The following C12orf42 variants were observed in gnomAD, a reference collection of about 807,000 sequenced individuals.
The protein encoded by C12orf42 is uncharacterized protein C12orf42.
Under a neutral mutation model 21.6 loss-of-function variants are expected in C12orf42, and 25 were observed. The observed-to-expected ratio is 1.16, with a 90% CI of 0.84 to 1.62. C12orf42 has a LOEUF of 1.62. Ranked by LOEUF, C12orf42 falls within the 40% of genes most tolerant of loss-of-function variation. The pLI is 0.00. For missense variants in C12orf42, 483 were observed against 459.3 expected (o/e 1.05, Z -0.47); for synonymous variants, 174 against 175.0 (o/e 0.99, Z 0.05).
At chr12:103,465,093 T>C (rs746843348) in intron 2 of C12orf42, among the ~76,000 whole-genome samples, 4 of 152,236 alleles carry the variant, frequency 2.6e-5, no homozygotes, top group African/African-American at 4.8e-5. Flanking sequence ...AGCTCTTTCT[T>C]GGTTCCATAT....
At chr12:103,202,003 T>G in the C12orf42 span, among the ~76,000 whole-genome samples, 3 of 152,224 alleles carry the variant, frequency 2.0e-5, no homozygotes, top group African/African-American at 7.2e-5. Flanking sequence ...TATTCTAATA[T>G]CAAACGGCAA....
chr12:103,075,907 A>C, the C12orf42 span, among the ~76,000 whole-genome samples: 1 of 152,118 alleles, frequency 6.6e-6, no homozygotes, highest in Non-Finnish European at 1.5e-5. Context: ...CACTTTTTTT[A>C]GGTTGGGTGA....
At chr12:103,550,611 C>T in the C12orf42 span, 20 of 152,132 alleles carry the variant, frequency 1.3e-4, no homozygotes, top group Non-Finnish European at 2.5e-4. Flanking sequence ...CAAGCACATA[C>T]ATTTATTACA....
chr12:103,090,673 G>T, the C12orf42 span, among the ~76,000 whole-genome samples: 1 of 152,120 alleles, frequency 6.6e-6, no homozygotes, highest in Non-Finnish European at 1.5e-5. Context: ...TTTGGAGATA[G>T]GCTTTAGGGA....
At chr12:103,229,518 T>A in the C12orf42 span, among the ~76,000 whole-genome samples, 1 of 152,238 alleles carries the variant, frequency 6.6e-6, no homozygotes, top group Non-Finnish European at 1.5e-5. Flanking sequence ...TGTGTGTACT[T>A]GGGTATACAT....
the C12orf42 span, among the ~76,000 whole-genome samples, chr12:103,510,567 C>T: frequency 6.6e-6 from 1 of 152,030 alleles, no homozygotes; most frequent in Non-Finnish European, 1.5e-5. Context: ...TTTCTAAATC[C>T]TCTTTCAGAC....
At chr12:103,266,907 CA>C (rs1162030209), downstream of C12orf42, among the ~76,000 whole-genome samples, 2 of 152,054 alleles carry the variant, frequency 1.3e-5, no homozygotes, top group East Asian at 3.9e-4. Flanking sequence ...AAAGGTCAGA[CA>C]GTGATTATTT....
the C12orf42 span, among the ~76,000 whole-genome samples, chr12:103,057,584 C>A: frequency 6.6e-6 from 1 of 152,068 alleles, no homozygotes; most frequent in African/African-American, 2.4e-5. Context: ...GCCACATTTT[C>A]TTTATCTAGT....
chr12:103,362,334 C>G (rs988341278), intron 4 of C12orf42, among the ~76,000 whole-genome samples: 3 of 152,044 alleles, frequency 2.0e-5, no homozygotes. Flanking sequence ...GGGAACACCC[C>G]ATGGAACAAT....
chr12:103,465,527 G>A (rs1021356253), intron 2 of C12orf42, among the ~76,000 whole-genome samples: 8 of 152,110 alleles, frequency 5.3e-5, no homozygotes, highest in African/African-American at 1.4e-4. Flanking sequence ...TCTAGATACA[G>A]GATCATGTCA....
chr12:103,187,256 A>G, the C12orf42 span, among the ~76,000 whole-genome samples: 11 of 152,276 alleles, frequency 7.2e-5, no homozygotes, highest in Middle Eastern at 6.8e-3. Context: ...TTACAGATTA[A>G]CTCATTTAAT....
chr12:103,208,142 G>C, the C12orf42 span, among the ~76,000 whole-genome samples: 1 of 152,190 alleles, frequency 6.6e-6, no homozygotes, highest in Non-Finnish European at 1.5e-5. Flanking sequence ...CAAGCAAAGA[G>C]GCTAGTCGGC....
At chr12:103,164,800 G>C in the C12orf42 span, 1 of 436,378 alleles carries the variant, frequency 2.3e-6, no homozygotes, top group Non-Finnish European at 4.6e-6. Flanking sequence ...TTCAATTACC[G>C]GTTCAGTAGG....
chr12:103,345,834 GA>G (rs1325788739), intron 4 of C12orf42, among the ~76,000 whole-genome samples: 2 of 152,080 alleles, frequency 1.3e-5, no homozygotes, highest in Non-Finnish European at 2.9e-5. Flanking sequence ...AAGCAATATA[GA>G]AAAAATGATG....
chr12:103,406,072 A>G (rs952392125), intron 2 of C12orf42, among the ~76,000 whole-genome samples: 1 of 152,156 alleles, frequency 6.6e-6, no homozygotes, highest in Non-Finnish European at 1.5e-5. Context: ...AACAGACCCA[A>G]TGCCTTTCCC....
At chr12:103,315,589 A>G (rs765804917) in intron 4 of C12orf42, among the ~76,000 whole-genome samples, 2 of 152,212 alleles carry the variant, frequency 1.3e-5, no homozygotes, top group East Asian at 1.9e-4. Context: ...CAGCATATAC[A>G]TAATTGTAAT....
the C12orf42 span, among the ~76,000 whole-genome samples, chr12:103,552,531 G>A: frequency 1.3e-5 from 2 of 152,136 alleles, no homozygotes; most frequent in Non-Finnish European, 2.9e-5. Context: ...TTGCTACAAG[G>A]GAATGGTGAA....
At chr12:103,521,063 T>C in the C12orf42 span, among the ~76,000 whole-genome samples, 1 of 152,208 alleles carries the variant, frequency 6.6e-6, no homozygotes, top group Admixed American at 6.5e-5. Flanking sequence ...CTATAGGTTG[T>C]AGGATATGGC....
the C12orf42 span, among the ~76,000 whole-genome samples, chr12:103,062,784 T>C: frequency 0.1 from 15,310 of 152,194 alleles, 1,315 homozygotes; most frequent in East Asian, 0.48. Flanking sequence ...TTGAAGTCTA[T>C]TAATTTTGGA....
Sources: gnomAD v4.1 joint callset for allele counts (sites outside exome capture counted in the v4.1 genomes callset) on GRCh38, gnomAD v4.1.1 for gene constraint, MANE v1.5 for transcripts, NCBI Gene and HGNC (gene_info 2026-07-23, HGNC 2026-07-21) for gene names.